BTAF1: variants seen among roughly 807,000 people sequenced by gnomAD.
BTAF1 encodes the protein B-TFIID TATA-box binding protein associated factor 1.
In BTAF1, 38 loss-of-function variants were observed where a neutral mutation model predicts 227.1. The ratio of observed to expected loss-of-function variants is 0.17; its 90% confidence interval spans 0.13 to 0.22. BTAF1 has a LOEUF of 0.22. BTAF1 is among the 10% of genes least tolerant of loss of function. The pLI, the probability that BTAF1 is intolerant of heterozygous loss-of-function variation, is 1.00. For synonymous variants in BTAF1, 742 were observed against 751.9 expected (o/e 0.99, Z 0.21); for missense variants, 1,598 against 2,204.0 (o/e 0.73, Z 5.51).
intron 3 of BTAF1, 64 bp downstream of exon 3, chr10:91,940,130 C>T (rs577170305): frequency 2.6e-4 from 256 of 982,668 alleles, no homozygotes; most frequent in East Asian, 1.8e-3. Context: ...TTATAATATG[C>T]GTTTTGTATT....
intron 25 of BTAF1, among the ~76,000 whole-genome samples, chr10:92,002,258 C>G (rs1457312027): frequency 2.0e-5 from 3 of 152,132 alleles, no homozygotes; most frequent in African/African-American, 7.2e-5. Context: ...TATTTTGATT[C>G]TCTCTGTTAA....
At chr10:92,014,371 G>A (rs1037491410) in intron 32 of BTAF1, among the ~76,000 whole-genome samples, 1 of 152,120 alleles carries the variant, frequency 6.6e-6, no homozygotes, top group African/African-American at 2.4e-5. Flanking sequence ...GGGACTGCAG[G>A]CACATATCAC....
chr10:91,948,559 T>C (rs905745806), intron 4 of BTAF1, among the ~76,000 whole-genome samples: 1 of 151,434 alleles, frequency 6.6e-6, no homozygotes, highest in African/African-American at 2.4e-5. Context: ...TATTTTTTTT[T>C]CTGTAGAGAT....
intron 9 of BTAF1, 23 bp from the exon 10 acceptor site, chr10:91,959,761 TA>T (rs1846373520): frequency 3.2e-5 from 19 of 591,606 alleles, no homozygotes; most frequent in South Asian, 1.0e-4. Flanking sequence ...TATATATATA[TA>T]TATATATATT....
At chr10:91,981,395 C>T (rs1437555553) in intron 15 of BTAF1, among the ~76,000 whole-genome samples, 1 of 151,674 alleles carries the variant, frequency 6.6e-6, no homozygotes, top group African/African-American at 2.4e-5. Flanking sequence ...CTTTTATAGG[C>T]ATGTTTTTTT....
At chr10:91,998,232 T>G (rs569286609) in intron 25 of BTAF1, among the ~76,000 whole-genome samples, 29 of 152,134 alleles carry the variant, frequency 1.9e-4, no homozygotes, top group Non-Finnish European at 4.0e-4. Flanking sequence ...TTACAATAAT[T>G]AAGATTTTTA....
chr10:91,960,781 G>A (rs1387888137), intron 11 of BTAF1, among the ~76,000 whole-genome samples: 1 of 152,042 alleles, frequency 6.6e-6, no homozygotes, highest in Non-Finnish European at 1.5e-5. Flanking sequence ...TTAGTGTAAT[G>A]TTATACATCA....
At chr10:92,005,681 A>G (rs1029080909) in intron 25 of BTAF1, among the ~76,000 whole-genome samples, 1 of 152,104 alleles carries the variant, frequency 6.6e-6, no homozygotes, top group Non-Finnish European at 1.5e-5. Context: ...GTTGTTTATT[A>G]TATTTTCTGT....
intron 4 of BTAF1, among the ~76,000 whole-genome samples, chr10:91,947,658 GT>G (rs1278492629): frequency 1.6e-5 from 2 of 126,644 alleles, no homozygotes; most frequent in African/African-American, 6.1e-5. Flanking sequence ...CTTTGTTCCT[GT>G]TTTTCAAGAT....
At chr10:91,924,337 C>G (rs1843683661) in intron 1 of BTAF1, among the ~76,000 whole-genome samples, 1 of 152,146 alleles carries the variant, frequency 6.6e-6, no homozygotes, top group South Asian at 2.1e-4. Context: ...TGTTTTTTCT[C>G]TTTCCTCACC....
intron 14 of BTAF1, among the ~76,000 whole-genome samples, chr10:91,972,342 G>A (rs934981164): frequency 2.0e-4 from 30 of 151,948 alleles, no homozygotes; most frequent in Admixed American, 2.0e-3. Context: ...AAGTATCTTT[G>A]GACATGGCTC....
chr10:91,942,530 C>A lies in BTAF1; in HGVS notation c.362C>A (p.Ser121Tyr). Residue 121 changes from serine (S) to tyrosine (Y), a missense_variant, in exon 4 of 38, where the codon TCT becomes TAT. By Grantham distance (144) the Ser-to-Tyr change is moderately radical. This residue lies in a region of BTAF1 where 298 missense variants were observed against 395.2 expected (regional missense o/e 0.75). Transcript: ENST00000265990. ...CAACATGGTGCATCACTCCTGGGAT[C>A]TGCTGGTGCCGAATTTGAAGTCCAA... ...LLQHGASLLG[S>Y]AGAEFEVQDE... The A allele has an allele frequency of 6.2e-7, 1 of 1,614,120 alleles. No individual in the cohort carries two copies. The highest frequency in any genetic ancestry group is 8.5e-7 in the Non-Finnish European group (1 of 1,180,020).
rs141942724 is a variant in BTAF1 at position 91,966,162 on chromosome 10, T to C, written c.1530-475T>C. Among the ~76,000 whole-genome samples the C allele has an allele frequency of 2.0e-4, 30 of 152,346 alleles. No individual in the cohort carries two copies. The East Asian group carries it at 4.8e-3, about 24-fold the overall frequency. The stretch of plus-strand genomic sequence containing the variant: ...ATAATAAATGTCAAAGTTGCTACCA[T>C]ACCACCACTTGCTCATTTGATATGT... On this transcript the variant is annotated intron_variant, in intron 13 of 37. Coordinates refer to ENST00000265990, the MANE Select transcript of BTAF1 (RefSeq NM_003972.3).
chr10:91,953,287 C>T (rs1482584734), intron 5 of BTAF1, among the ~76,000 whole-genome samples: 1 of 152,146 alleles, frequency 6.6e-6, no homozygotes, highest in Non-Finnish European at 1.5e-5. Flanking sequence ...AGGAAAGGGG[C>T]ATATGAGCTA....
chr10:91,974,490 T>C (rs769048795), intron 14 of BTAF1, among the ~76,000 whole-genome samples: 1 of 152,164 alleles, frequency 6.6e-6, no homozygotes, highest in African/African-American at 2.4e-5. Context: ...TGTGCCTTCT[T>C]CTGTGATGTT....
chr10:91,937,386 G>A (rs1318518829), intron 2 of BTAF1, among the ~76,000 whole-genome samples: 2 of 152,114 alleles, frequency 1.3e-5, no homozygotes, highest in Non-Finnish European at 2.9e-5. Flanking sequence ...GTGTACAGCA[G>A]CCATCACCGT....
intron 5 of BTAF1, among the ~76,000 whole-genome samples, chr10:91,951,968 A>T (rs762466388): frequency 2.0e-5 from 3 of 151,462 alleles, no homozygotes; most frequent in African/African-American, 4.9e-5. Flanking sequence ...TTTTTTTTTA[A>T]GTGAGAAATA....
chr10:92,028,617 A>G (rs1851686251), intron 37 of BTAF1, among the ~76,000 whole-genome samples, 173 bp from the exon 38 acceptor site: 1 of 152,166 alleles, frequency 6.6e-6, no homozygotes, highest in Admixed American at 6.5e-5. Context: ...AGTTCTTTCC[A>G]AATAAAAAAC....
intron 5 of BTAF1, among the ~76,000 whole-genome samples, chr10:91,952,912 T>C (rs1462638670): frequency 6.6e-6 from 1 of 152,148 alleles, no homozygotes; most frequent in East Asian, 1.9e-4. Flanking sequence ...AATGGGCAGG[T>C]GTATTAGAAA....
Sources: gnomAD v4.1 joint callset for allele counts (sites outside exome capture counted in the v4.1 genomes callset) on GRCh38, gnomAD v4.1.1 for gene constraint, gnomAD v4.1.1 regional missense constraint, MANE v1.5 for transcripts, NCBI Gene and HGNC (gene_info 2026-07-23, HGNC 2026-07-21) for gene names.